DNAJC1: variants seen among roughly 807,000 people sequenced by gnomAD.
DNAJC1 encodes DnaJ heat shock protein family (Hsp40) member C1, also known as dnaJ homolog subfamily C member 1.
A neutral mutation model predicts 76.6 loss-of-function variants in DNAJC1; 58 were observed. That is an observed-to-expected ratio of 0.76 (90% CI 0.61 to 0.94). DNAJC1 has a LOEUF of 0.94. Among genes scored for constraint, DNAJC1 ranks in the 40% least tolerant of loss-of-function variants. The pLI, the probability that DNAJC1 is intolerant of heterozygous loss-of-function variation, is 0.00. For synonymous variants in DNAJC1, 258 were observed against 267.9 expected (o/e 0.96, Z 0.36); for missense variants, 689 against 677.3 (o/e 1.02, Z -0.19).
intron 8 of DNAJC1, among the ~76,000 whole-genome samples, chr10:21,851,839 G>C (rs1835759898): frequency 6.6e-6 from 1 of 151,998 alleles, no homozygotes; most frequent in South Asian, 2.1e-4. Flanking sequence ...TGGATCACTA[G>C]GGCAGGAGAT....
intron 1 of DNAJC1, among the ~76,000 whole-genome samples, chr10:21,994,546 T>C (rs1445531994): frequency 6.6e-6 from 1 of 152,126 alleles, no homozygotes; most frequent in African/African-American, 2.4e-5. Context: ...CCCAGCACTT[T>C]GGGAGGCCGA....
intron 8 of DNAJC1, among the ~76,000 whole-genome samples, chr10:21,813,457 G>A (rs962081223): frequency 1.1e-4 from 17 of 150,114 alleles, no homozygotes; most frequent in Non-Finnish European, 2.2e-4. Flanking sequence ...GTGCAGTAGC[G>A]CAATTTCAGC....
intron 9 of DNAJC1, among the ~76,000 whole-genome samples, chr10:21,787,517 AAAACAATGAAT>A (rs1834627864): frequency 6.6e-6 from 1 of 152,216 alleles, no homozygotes; most frequent in South Asian, 2.1e-4. Flanking sequence ...AAGACAGCCA[AAAACAATGAAT>A]AAACCACTAC....
intron 8 of DNAJC1, among the ~76,000 whole-genome samples, chr10:21,868,253 T>A (rs1836041366): frequency 6.6e-6 from 1 of 150,686 alleles, no homozygotes; most frequent in Admixed American, 6.6e-5. Context: ...GCCTCCCGAG[T>A]AGCTGGGCTT....
intron 7 of DNAJC1, among the ~76,000 whole-genome samples, chr10:21,901,788 G>A (rs2131742101): frequency 6.6e-6 from 1 of 152,272 alleles, no homozygotes; most frequent in South Asian, 2.1e-4. Context: ...ATCTACATGA[G>A]ATGCATTTAC....
intron 3 of DNAJC1, among the ~76,000 whole-genome samples, chr10:21,924,145 A>T (rs1412305313): frequency 6.6e-6 from 1 of 152,022 alleles, no homozygotes; most frequent in Non-Finnish European, 1.5e-5. Context: ...CTTTGAAAAA[A>T]ATATATATAT....
chr10:21,762,933 TG>T (rs1349904590), intron 10 of DNAJC1, among the ~76,000 whole-genome samples: 7 of 152,184 alleles, frequency 4.6e-5, no homozygotes, highest in African/African-American at 1.7e-4. Flanking sequence ...ACATCGACTT[TG>T]TTTTTTTTGT....
intron 8 of DNAJC1, among the ~76,000 whole-genome samples, chr10:21,812,276 C>T (rs1834980241): frequency 6.6e-6 from 1 of 151,992 alleles, no homozygotes; most frequent in South Asian, 2.1e-4. Flanking sequence ...CCAGGCTGGT[C>T]TTGAACTCCT....
chr10:21,813,096 CAT>C (rs373917334), intron 8 of DNAJC1, among the ~76,000 whole-genome samples: 5,326 of 117,270 alleles, frequency 0.045, 459 homozygotes, highest in African/African-American at 0.17. Flanking sequence ...TACACACACA[CAT>C]ATATATATAT....
chr10:21,957,041 G>A (rs182704366), intron 1 of DNAJC1, among the ~76,000 whole-genome samples: 4 of 151,676 alleles, frequency 2.6e-5, no homozygotes, highest in South Asian at 2.1e-4. Flanking sequence ...ACAGGTACCC[G>A]CCACCGCACC....
chr10:21,827,661 C>CT (rs949402226), intron 8 of DNAJC1, among the ~76,000 whole-genome samples: 1 of 152,146 alleles, frequency 6.6e-6, no homozygotes, highest in Non-Finnish European at 1.5e-5. Flanking sequence ...TGTGACTTCT[C>CT]TTTTTAGAAA....
chr10:21,882,256 A>G (rs1361849452), intron 8 of DNAJC1, 26 bp downstream of exon 8: 3 of 1,583,758 alleles, frequency 1.9e-6, no homozygotes, highest in Admixed American at 2.0e-5. Flanking sequence ...GTTTTACTCA[A>G]AACAAGTTTT....
rs556318719 is a variant in DNAJC1 at position 21,929,016 on chromosome 10, T to C, written c.324+24A>G. On this transcript the variant is annotated intron_variant, in intron 2 of 11. Coordinates refer to ENST00000376980, the MANE Select transcript of DNAJC1 (RefSeq NM_022365.4). Reference sequence around the variant, plus strand: ...GTTAATACATTTGTCACAAAATATATATATAATAGCATATTTCACTTACTT... The same window carrying C: ...GTTAATACATTTGTCACAAAATATACATATAATAGCATATTTCACTTACTT... 2.2e-5 allele frequency: 31 copies of C among 1,400,406 alleles called. 2 individuals carry two copies. The South Asian group carries it at 3.5e-4, about 16-fold the overall frequency. 86.7% of individuals were successfully genotyped at this position (1,400,406 alleles called of 1,614,324 possible).
intron 8 of DNAJC1, among the ~76,000 whole-genome samples, chr10:21,875,924 CAAAT>C (rs1398966472): frequency 2.0e-5 from 3 of 151,644 alleles, no homozygotes; most frequent in African/African-American, 7.3e-5. Flanking sequence ...GACTCTGTCT[CAAAT>C]AAATAAATAA....
chr10:21,972,582 CTCTACAAGTTA>C (rs1209254522), intron 1 of DNAJC1, among the ~76,000 whole-genome samples: 1 of 151,928 alleles, frequency 6.6e-6, no homozygotes, highest in Non-Finnish European at 1.5e-5. Flanking sequence ...ATAAAATAAA[CTCTACAAGTTA>C]AATTAATCTA....
At chr10:21,854,453 T>C (rs1835801892) in intron 8 of DNAJC1, among the ~76,000 whole-genome samples, 1 of 152,058 alleles carries the variant, frequency 6.6e-6, no homozygotes, top group Admixed American at 6.5e-5. Flanking sequence ...ATAACTTGTC[T>C]TTTCTATAAT....
chr10:21,849,929 T>C (rs995658697), intron 8 of DNAJC1, among the ~76,000 whole-genome samples: 1 of 152,068 alleles, frequency 6.6e-6, no homozygotes, highest in African/African-American at 2.4e-5. Flanking sequence ...CCTTTCCTAA[T>C]TAAAACACCC....
At chr10:21,870,528 CTT>C (rs1396048474) in intron 8 of DNAJC1, among the ~76,000 whole-genome samples, 2 of 152,126 alleles carry the variant, frequency 1.3e-5, no homozygotes, top group African/African-American at 4.8e-5. Flanking sequence ...AATCCCAACA[CTT>C]TGGGAGGCTG....
chr10:21,807,827 T>A (rs1409493355), intron 8 of DNAJC1, among the ~76,000 whole-genome samples: 1 of 152,188 alleles, frequency 6.6e-6, no homozygotes, highest in African/African-American at 2.4e-5. Flanking sequence ...TTAATGAATA[T>A]CAGAAATCCA....
Sources: allele counts gnomAD v4.1 joint callset (sites outside exome capture counted in the v4.1 genomes callset), GRCh38; gene constraint gnomAD v4.1.1; transcripts MANE v1.5; gene names NCBI Gene and HGNC (gene_info 2026-07-23, HGNC 2026-07-21).